Variants in TSHZ2 observed in about 807,000 individuals in gnomAD.
TSHZ2 encodes teashirt zinc finger homeobox 2, also known as teashirt homolog 2.
TSHZ2 carries 21 observed loss-of-function variants against 74.4 expected under a neutral mutation model. That is an observed-to-expected ratio of 0.28 (90% CI 0.20 to 0.41). TSHZ2 has a LOEUF of 0.41. Ranked by LOEUF, TSHZ2 falls within the 10% of genes least tolerant of loss-of-function variation. The pLI is 1.00. For synonymous variants in TSHZ2, 540 were observed against 515.3 expected, an observed-to-expected ratio of 1.05 and a Z score of -0.65; for missense variants, 1,244 against 1,293.5, an observed-to-expected ratio of 0.96 and a Z score of 0.59.
At chr20:53,004,579 A>T (rs1339386417) in intron 1 of TSHZ2, among the ~76,000 whole-genome samples, 1 of 152,248 alleles carries the variant, frequency 6.6e-6, no homozygotes, top group Non-Finnish European at 1.5e-5. Context: ...CGGGAAAAGC[A>T]TAAAACAAGG....
chr20:53,154,990 A>G (rs191294040), intron 1 of TSHZ2, among the ~76,000 whole-genome samples: 301 of 151,260 alleles, frequency 2.0e-3, no homozygotes, highest in African/African-American at 6.7e-3. Flanking sequence ...ATGTAAGTTG[A>G]AAAAAAAATA....
chr20:53,147,626 A>C (rs940964667), intron 1 of TSHZ2, among the ~76,000 whole-genome samples: 1 of 152,232 alleles, frequency 6.6e-6, no homozygotes, highest in African/African-American at 2.4e-5. Context: ...GTGTGAGACT[A>C]AGATTTCTTT....
At chr20:53,159,094 T>G (rs946432381) in intron 1 of TSHZ2, among the ~76,000 whole-genome samples, 1 of 152,222 alleles carries the variant, frequency 6.6e-6, no homozygotes, top group Non-Finnish European at 1.5e-5. Context: ...TTTGACAGCC[T>G]CTTACCCTCA....
chr20:53,339,461 C>T (rs906922633), intron 2 of TSHZ2, among the ~76,000 whole-genome samples: 3 of 152,268 alleles, frequency 2.0e-5, no homozygotes, highest in South Asian at 2.1e-4. Context: ...CGTATTCTGC[C>T]CTCAAACTTG....
At chr20:53,332,827 G>C (rs981734649) in intron 2 of TSHZ2, among the ~76,000 whole-genome samples, 10 of 152,184 alleles carry the variant, frequency 6.6e-5, no homozygotes, top group African/African-American at 2.2e-4. Flanking sequence ...TTATAAGAAA[G>C]GGGGACTCAA....
intron 1 of TSHZ2, among the ~76,000 whole-genome samples, chr20:53,236,402 A>C (rs1251208399): frequency 6.6e-6 from 1 of 152,206 alleles, no homozygotes; most frequent in Non-Finnish European, 1.5e-5. Context: ...TTTTTCCCAT[A>C]AGTGCTATAA....
At chr20:53,306,585 A>AG in intron 2 of TSHZ2, among the ~76,000 whole-genome samples, 1 of 152,130 alleles carries the variant, frequency 6.6e-6, no homozygotes, top group Admixed American at 6.5e-5. Context: ...AACCTCGCGG[A>AG]GGAAAAAAAA....
chr20:53,155,336 A>G (rs1471351431), intron 1 of TSHZ2, among the ~76,000 whole-genome samples: 1 of 152,018 alleles, frequency 6.6e-6, no homozygotes, highest in African/African-American at 2.4e-5. Flanking sequence ...TAGTTCAGTG[A>G]CCTGAGACTG....
At chr20:53,406,656 T>C (rs1014887544) in intron 2 of TSHZ2, among the ~76,000 whole-genome samples, 5 of 152,160 alleles carry the variant, frequency 3.3e-5, no homozygotes, top group African/African-American at 9.7e-5. Context: ...CCAGGCATTG[T>C]TTTAAGCTTT....
Position 53,254,389 on chromosome 20 carries a change from A to G in TSHZ2, c.931A>G (p.Thr311Ala). 1 of 1,613,992 alleles carries G rather than the reference A, an allele frequency of 6.2e-7. No homozygotes were observed. Among genetic ancestry groups the G allele is most frequent in the East Asian group, 2.2e-5 (1 of 44,866 alleles). Residue 311 changes from threonine (T) to alanine (A), a missense_variant, in exon 2 of 3, where the codon ACC becomes GCC. Physicochemically the swap from Thr to Ala is moderately conservative, Grantham distance 58. Around this residue, in one of 6 missense-constraint regions of TSHZ2, gnomAD observed 470 missense variants for 456.5 expected, o/e 1.03. Coordinates refer to ENST00000371497, the MANE Select transcript of TSHZ2 (RefSeq NM_173485.6). The stretch of plus-strand genomic sequence containing the variant: ...AGTGCCTTTGAAGGAGCCAGTCCCA[A>G]CCATTTCCTCGAAAATGGTCACCCC... ...QKVPLKEPVP[T>A]ISSKMVTPAK...
intron 1 of TSHZ2, among the ~76,000 whole-genome samples, chr20:53,205,528 C>T (rs978903499): frequency 1.8e-4 from 27 of 152,040 alleles, no homozygotes; most frequent in Non-Finnish European, 3.7e-4. Context: ...CTTTTTAAAA[C>T]TCGTATAAAA....
chr20:53,319,798 C>G (rs1010884172), intron 2 of TSHZ2, among the ~76,000 whole-genome samples: 4 of 152,216 alleles, frequency 2.6e-5, no homozygotes, highest in Non-Finnish European at 4.4e-5. Flanking sequence ...CACCCAAAGC[C>G]TAGAGCGGAG....
chr20:53,183,510 C>A (rs1038284519), intron 1 of TSHZ2, among the ~76,000 whole-genome samples: 1 of 152,116 alleles, frequency 6.6e-6, no homozygotes, highest in African/African-American at 2.4e-5. Flanking sequence ...AAAGTGTTTT[C>A]TTTTAATTGT....
rs1366583116 is a variant in TSHZ2, at chr20:53,256,354, A to C, written c.2896A>C (p.Lys966Gln). The C allele has an allele frequency of 6.2e-7, 1 of 1,613,464 alleles. No homozygotes were observed. Among genetic ancestry groups the C allele is most frequent in the Admixed American group, 1.7e-5 (1 of 60,012 alleles). The change falls in exon 2 of 3, where the codon AAG becomes CAG. Residue 966 changes from lysine (K) to glutamine (Q), a missense_variant. Transcript: ENST00000371497. The surrounding 1 kb of genome is among the most constrained non-coding windows in gnomAD (Gnocchi z 4.3). ...MTRLSVDQQS[K>Q]VEQEISRVSS... The stretch of plus-strand genomic sequence containing the variant: ...CCGCTTGTCAGTGGACCAGCAAAGC[A>C]AGGTGGAGCAAGAGATCTCCCGGGT...
chr20:52,974,591 T>G (rs143362621), intron 1 of TSHZ2, among the ~76,000 whole-genome samples: 1 of 152,318 alleles, frequency 6.6e-6, no homozygotes, highest in East Asian at 1.9e-4. Flanking sequence ...ACCTCCACAT[T>G]TCATTCTGTT....
At chr20:53,180,699 C>T (rs960171962) in intron 1 of TSHZ2, among the ~76,000 whole-genome samples, 2 of 152,036 alleles carry the variant, frequency 1.3e-5, no homozygotes, top group African/African-American at 4.8e-5. Context: ...CACTAAAAGC[C>T]CAGATGTCAC....
intron 1 of TSHZ2, among the ~76,000 whole-genome samples, chr20:53,181,452 C>T (rs6013645): frequency 0.036 from 5,555 of 152,228 alleles, 327 homozygotes; most frequent in African/African-American, 0.13. Flanking sequence ...AACAGAAGTT[C>T]AGCATCTCTC....
chr20:53,255,115 G>A lies in TSHZ2; in HGVS notation c.1657G>A (p.Gly553Ser), dbSNP rs747492793. 3.1e-6 allele frequency: 5 copies of A among 1,614,020 alleles called. No homozygotes were observed. The South Asian group carries it at 4.4e-5, about 14-fold the overall frequency. Residue 553 changes from glycine (G) to serine (S), a missense_variant, in exon 2 of 3, where the codon GGC becomes AGC. By Grantham distance (56) the Gly-to-Ser change is moderately conservative. This residue lies in a region of TSHZ2 where 562 missense variants were observed against 544.0 expected (regional missense o/e 1.03). Transcript: ENST00000371497. The surrounding 1 kb of genome is among the most constrained non-coding windows in gnomAD (Gnocchi z 4.1). ...CCACGCAGCCTACCAGCTGTCTGAG[G>A]GCACCAAGCCGCCTTTGCCTATGGG... ...SIHAAYQLSE[G>S]TKPPLPMGSQ...
intron 2 of TSHZ2, among the ~76,000 whole-genome samples, chr20:53,359,562 G>A (rs1339508495): frequency 1.3e-5 from 2 of 152,286 alleles, no homozygotes; most frequent in East Asian, 1.9e-4. Context: ...CTAGTTTGGC[G>A]CCAACATTCA....
Sources: gnomAD v4.1 joint callset for allele counts (sites outside exome capture counted in the v4.1 genomes callset) on GRCh38, gnomAD v4.1.1 for gene constraint, gnomAD v4.1.1 regional missense constraint, Gnocchi (gnomAD v3.1) non-coding constraint, MANE v1.5 for transcripts, NCBI Gene and HGNC (gene_info 2026-07-23, HGNC 2026-07-21) for gene names.